GNGT1: variants seen among roughly 807,000 people sequenced by gnomAD.
The protein encoded by GNGT1 is G protein subunit gamma transducin 1, also known as guanine nucleotide-binding protein G(T) subunit gamma-T1.
GNGT1 carries 4 observed loss-of-function variants against 7.4 expected under a neutral mutation model. That is an observed-to-expected ratio of 0.54 (90% CI 0.27 to 1.24). The LOEUF is 1.24. GNGT1 is among the 50% of genes most tolerant of loss of function. The probability of loss-of-function intolerance (pLI) is 0.12; values close to 1 mark genes in which losing one functional copy is unlikely to be tolerated. For missense variants in GNGT1, 95 were observed against 82.4 expected (o/e 1.15, Z -0.59); for synonymous variants, 37 against 30.2 (o/e 1.23, Z -0.74).
rs756306717 is a variant in GNGT1, at chr7:93,910,849, A to G, written c.156A>G (p.Pro52=). 5 of 1,606,784 alleles carry G rather than the reference A, an allele frequency of 3.1e-6. No homozygotes were observed. The South Asian group carries it at 5.5e-5, about 18-fold the overall frequency. The change falls in exon 3 of 3, where the codon CCA becomes CCG. Residue 52 remains proline (P), a synonymous_variant. Coordinates refer to ENST00000248572, the MANE Select transcript of GNGT1 (RefSeq NM_021955.5). ...TTGAAGAACGATCTGGCGAGGATCC[A>G]CTGGTAAAGGGCATCCCAGAGGACA... ...DYVEERSGED[P]LVKGIPEDKN... is the part of the protein sequence containing the mutation.
chr7:93,910,977 C>A lies in GNGT1; in HGVS notation c.*59C>A. ...TTGGAAATATCTCAAATGTTAATAA[C>A]AATATGAATTTTTCTCATGCATACT... is the stretch of plus-strand genomic sequence containing the variant. On this transcript the variant is annotated 3_prime_UTR_variant, in exon 3 of 3. Transcript: ENST00000248572. 1 of 1,279,406 alleles carries A rather than the reference C, an allele frequency of 7.8e-7. No individual in the cohort carries two copies. The highest frequency in any genetic ancestry group is 1.1e-6 in the Non-Finnish European group (1 of 935,564). The allele number at this position is 1,279,406 out of a possible 1,614,324, so 79.3% of individuals were successfully genotyped here.
In GNGT1 at chr7:93,910,906, T is replaced by C. The variant is rs368033084; in HGVS notation, c.213T>C (p.Cys71=). ...CCTTCAAGGAGCTCAAAGGAGGCTGTGTGATTTCATAATACAAACAAAAAG... is the reference window on the plus strand; with the variant it reads ...CCTTCAAGGAGCTCAAAGGAGGCTGCGTGATTTCATAATACAAACAAAAAG... ...KNPFKELKGG[C]VIS is the part of the protein sequence containing the mutation. Residue 71 remains cysteine (C), a synonymous_variant, in exon 3 of 3, where the codon TGT becomes TGC. Transcript: ENST00000248572. The C allele has an allele frequency of 2.0e-5, 32 of 1,579,302 alleles. No homozygotes were observed. The highest frequency in any genetic ancestry group is 2.6e-5 in the Non-Finnish European group (30 of 1,164,086).
chr7:93,910,643 C>T (rs899236423), intron 2 of GNGT1, 147 bp from the exon 3 acceptor site: 10 of 474,682 alleles, frequency 2.1e-5, no homozygotes, highest in African/African-American at 2.0e-4. Context: ...TTCTTCTTTC[C>T]TACAAAGTAA....
Position 93,910,782 on chromosome 7 carries a change from C to T in GNGT1, c.97-8C>T. ...CAAATGAGTCATCCCTTTTTCCTTC[C>T]CCTTAAGGTTTCCAAATGTTGTGAA... On this transcript the variant is annotated splice_region_variant and splice_polypyrimidine_tract_variant and intron_variant, in intron 2 of 2. Coordinates refer to ENST00000248572, the MANE Select transcript of GNGT1 (RefSeq NM_021955.5). 1 of 1,585,378 alleles carries T rather than the reference C, an allele frequency of 6.3e-7. No individual in the cohort carries two copies. The highest frequency in any genetic ancestry group is 8.6e-7 in the Non-Finnish European group (1 of 1,164,968).
At chr7:93,908,670 ATATGT>A (rs1794413595) in intron 2 of GNGT1, among the ~76,000 whole-genome samples, 1 of 151,012 alleles carries the variant, frequency 6.6e-6, no homozygotes, top group South Asian at 2.1e-4. Flanking sequence ...ATATATAATA[ATATGT>A]TATATTATAT....
rs533794518 is a variant in GNGT1 at position 93,908,673 on chromosome 7, T to C, written c.96+1831T>C. On this transcript the variant is annotated intron_variant, in intron 2 of 2. Coordinates refer to ENST00000248572, the MANE Select transcript of GNGT1 (RefSeq NM_021955.5). Reference sequence around the variant, plus strand: ...TTTCTCTATAAAATATATAATAATATGTTATATTATATATAAAATGGAACT... The same window carrying C: ...TTTCTCTATAAAATATATAATAATACGTTATATTATATATAAAATGGAACT... Among the ~76,000 whole-genome samples the C allele has an allele frequency of 2.2e-3, 335 of 151,104 alleles. 1 individual carries two copies. Among genetic ancestry groups the C allele is most frequent in the Non-Finnish European group, 4.1e-3 (275 of 67,790 alleles).
intron 2 of GNGT1, among the ~76,000 whole-genome samples, chr7:93,907,221 A>G (rs528947362): frequency 1.3e-5 from 2 of 152,188 alleles, no homozygotes; most frequent in Non-Finnish European, 2.9e-5. Context: ...AAAGAGAAAA[A>G]GGAGAATATG....
intron 2 of GNGT1, among the ~76,000 whole-genome samples, chr7:93,907,754 T>G (rs932206070): frequency 6.6e-6 from 1 of 152,212 alleles, no homozygotes; most frequent in African/African-American, 2.4e-5. Context: ...GTTATCTTCA[T>G]ACTTTGTTCA....
chr7:93,907,756 C>A (rs1794399038), intron 2 of GNGT1, among the ~76,000 whole-genome samples: 1 of 152,138 alleles, frequency 6.6e-6, no homozygotes, highest in African/African-American at 2.4e-5. Context: ...TATCTTCATA[C>A]TTTGTTCAAA....
At chr7:93,907,444 C>T (rs1188953167) in intron 2 of GNGT1, among the ~76,000 whole-genome samples, 2 of 152,166 alleles carry the variant, frequency 1.3e-5, no homozygotes, top group African/African-American at 4.8e-5. Context: ...ACATTCTACT[C>T]TTCTTTGGCA....
intron 2 of GNGT1, among the ~76,000 whole-genome samples, chr7:93,908,125 G>A (rs370445698): frequency 2.4e-4 from 36 of 151,992 alleles, no homozygotes; most frequent in African/African-American, 6.3e-4. Context: ...GGTAAACATC[G>A]CATACATCAT....
chr7:93,906,772 TGACAGAAAAG>T lies in GNGT1; in HGVS notation c.31_40del (p.Glu11AsnfsTer2). ...ATGCCAGTAATCAATATTGAGGACC[TGACAGAAAAG>T]GACAAATTGAAGATGGAAGTTGACC... On this transcript the variant is annotated frameshift_variant, in exon 2 of 3. Coordinates refer to ENST00000248572, the MANE Select transcript of GNGT1 (RefSeq NM_021955.5). LOFTEE classifies it high-confidence loss of function. 3 of 1,605,092 alleles carry T rather than the reference TGACAGAAAAG, an allele frequency of 1.9e-6. No individual in the cohort carries two copies. In the South Asian group the frequency reaches 3.3e-5, roughly 18 times the overall value.
chr7:93,907,567 A>G (rs567431277), intron 2 of GNGT1, among the ~76,000 whole-genome samples: 2 of 152,310 alleles, frequency 1.3e-5, no homozygotes, highest in East Asian at 3.9e-4. Context: ...GAAATGGCAA[A>G]GGAATAAACC....
intron 2 of GNGT1, among the ~76,000 whole-genome samples, chr7:93,908,502 T>A (rs1353748153): frequency 1.3e-5 from 2 of 152,084 alleles, no homozygotes; most frequent in East Asian, 3.8e-4. Context: ...CTCTGGGGTC[T>A]CTTTTATAAG....
At chr7:93,906,705 A>G (rs1794378431) in intron 1 of GNGT1, 31 bp from the exon 2 acceptor site, 3 of 1,119,880 alleles carry the variant, frequency 2.7e-6, no homozygotes, top group African/African-American at 1.6e-5. Context: ...CCAGCAATTC[A>G]TGCATAGCTG....
chr7:93,908,101 G>T (rs140054923), intron 2 of GNGT1, among the ~76,000 whole-genome samples: 1 of 152,158 alleles, frequency 6.6e-6, no homozygotes, highest in African/African-American at 2.4e-5. Flanking sequence ...GTTCACCTTG[G>T]ACTTTTTATT....
intron 2 of GNGT1, chr7:93,909,357 G>T: frequency 1.9e-6 from 1 of 520,760 alleles, no homozygotes; most frequent in Non-Finnish European, 3.4e-6. Context: ...TAGTAAATGA[G>T]AAGAGTCTTG....
chr7:93,906,745 A>G lies in GNGT1; in HGVS notation c.-2A>G, dbSNP rs1562784215. ...CCTTCTACATCTTCAGCAGGCAAAA[A>G]GATGCCAGTAATCAATATTGAGGAC... On this transcript the variant is annotated 5_prime_UTR_variant, in exon 2 of 3. Coordinates refer to ENST00000248572, the MANE Select transcript of GNGT1 (RefSeq NM_021955.5). 1.3e-6 allele frequency: 2 copies of G among 1,580,720 alleles called. No homozygotes were observed. The highest frequency in any genetic ancestry group is 2.3e-5 in the East Asian group (1 of 44,024).
At chr7:93,909,954 GA>G (rs1268983442) in intron 2 of GNGT1, 1 of 154,958 alleles carries the variant, frequency 6.5e-6, no homozygotes, top group Non-Finnish European at 1.4e-5. Flanking sequence ...TACACTAACT[GA>G]AAACAAACAA....
Sources: gnomAD v4.1 joint callset for allele counts (sites outside exome capture counted in the v4.1 genomes callset) on GRCh38, gnomAD v4.1.1 for gene constraint, MANE v1.5 for transcripts, NCBI Gene and HGNC (gene_info 2026-07-23, HGNC 2026-07-21) for gene names.